The following ATL2 variants were observed in gnomAD, a reference collection of about 807,000 sequenced individuals.
ATL2 encodes atlastin GTPase 2.
A neutral mutation model predicts 73.9 loss-of-function variants in ATL2; 31 were observed. That is an observed-to-expected ratio of 0.42 (90% CI 0.32 to 0.57). The LOEUF is 0.57. Among genes scored for constraint, ATL2 ranks in the 20% least tolerant of loss-of-function variants. The pLI is 0.14. For missense variants in ATL2, 738 were observed against 702.6 expected (o/e 1.05, Z -0.57); for synonymous variants, 291 against 237.5 (o/e 1.23, Z -2.07).
At chr2:38,296,227 T>A (rs188859747) in intron 12 of ATL2, 114 bp from the exon 13 acceptor site, 1 of 1,426,072 alleles carries the variant, frequency 7.0e-7, no homozygotes, top group African/African-American at 1.4e-5. Context: ...ACCAGGAATA[T>A]GGGAAATAAA....
rs753539859 is a variant in ATL2 at position 38,318,979 on chromosome 2, G to C, written c.404C>G (p.Thr135Arg). 1 of 1,613,960 alleles carries C rather than the reference G, an allele frequency of 6.2e-7. No individual in the cohort carries two copies. The highest frequency in any genetic ancestry group is 8.5e-7 in the Non-Finnish European group (1 of 1,179,902). Residue 135 changes from threonine (T) to arginine (R), a missense_variant, in exon 3 of 13, where the codon ACA (threonine) becomes AGA (arginine). Coordinates refer to ENST00000378954, the MANE Select transcript of ATL2 (RefSeq NM_001135673.4). ...ACAGCCACCTCGCCATGTAAAGCCT[G>C]TCAATGGTTCATTGTTTCCACCAAT... ...SWIGGNNEPLTGFTWRGGCER... is the reference protein window; with the variant it reads ...SWIGGNNEPLRGFTWRGGCER...
chr2:38,304,402 C>A (rs898947496), intron 9 of ATL2, among the ~76,000 whole-genome samples: 1 of 152,134 alleles, frequency 6.6e-6, no homozygotes, highest in African/African-American at 2.4e-5. Context: ...AAAGAGAGTT[C>A]TTCAATCTGA....
Position 38,295,163 on chromosome 2 carries a change from C to T in ATL2, c.*831G>A, listed in dbSNP as rs1031746400. 2 of 152,122 alleles carry T rather than the reference C, an allele frequency of 1.3e-5. No homozygotes were observed. The highest frequency in any genetic ancestry group is 4.8e-5 in the African/African-American group (2 of 41,418). 9.4% of individuals were successfully genotyped at this position (152,122 alleles called of 1,614,324 possible). Reference sequence around the variant, plus strand: ...CAGGACCAGATTTTGCCATAAACTACAAAACTTTTAATACAAAATCGTATT... The same window carrying T: ...CAGGACCAGATTTTGCCATAAACTATAAAACTTTTAATACAAAATCGTATT... On this transcript the variant is annotated 3_prime_UTR_variant, in exon 13 of 13. Transcript: ENST00000378954.
intron 2 of ATL2, among the ~76,000 whole-genome samples, chr2:38,322,116 A>G (rs1668359888): frequency 6.6e-6 from 1 of 152,042 alleles, no homozygotes; most frequent in African/African-American, 2.4e-5. Context: ...ATCTTTGTTC[A>G]CCAAACTGCT....
chr2:38,373,877 G>T lies in ATL2; in HGVS notation c.118+3266C>A, dbSNP rs187876731. Among the ~76,000 whole-genome samples, 137 of 152,176 alleles carry T rather than the reference G, an allele frequency of 9.0e-4. 1 individual carries two copies. Among genetic ancestry groups the T allele is most frequent in the African/African-American group, 3.2e-3 (134 of 41,530 alleles). ...CCTATTGCCATCATATTTTCAGGTT[G>T]GTACTTTCTTCCTGCTATCCTTTTT... On this transcript the variant is annotated intron_variant, in intron 1 of 12. Transcript: ENST00000378954.
At chr2:38,371,812 G>A (rs116838798) in intron 1 of ATL2, among the ~76,000 whole-genome samples, 3,122 of 152,104 alleles carry the variant, frequency 0.021, 112 homozygotes, top group African/African-American at 0.071. Context: ...CACAAGAATC[G>A]CTTGAACCCA....
intron 1 of ATL2, among the ~76,000 whole-genome samples, chr2:38,373,016 T>C (rs866608176): frequency 6.9e-6 from 1 of 145,620 alleles, no homozygotes; most frequent in Non-Finnish European, 1.5e-5. Flanking sequence ...TTCTTACATA[T>C]ATGTTACTGT....
At chr2:38,370,802 C>A (rs550025224) in intron 1 of ATL2, among the ~76,000 whole-genome samples, 5 of 151,876 alleles carry the variant, frequency 3.3e-5, no homozygotes, top group Admixed American at 1.3e-4. Flanking sequence ...AAAAAATCAA[C>A]CCCTGGCCCA....
At position 38,371,966 on chromosome 2, in the gene ATL2, C is replaced by G. The variant is rs980977648; in HGVS notation, c.118+5177G>C. ...TAAAATCCAAGCCTCCATTCTAAATCCATTTCAAAAATCATAGGAAGTTTG... is the reference window on the plus strand; with the variant it reads ...TAAAATCCAAGCCTCCATTCTAAATGCATTTCAAAAATCATAGGAAGTTTG... On this transcript the variant is annotated intron_variant, in intron 1 of 12. Transcript: ENST00000378954. Among the ~76,000 whole-genome samples the G allele has an allele frequency of 2.0e-5, 3 of 152,086 alleles. No homozygotes were observed. In the East Asian group the frequency reaches 5.8e-4, roughly 29 times the overall value.
At chr2:38,366,683 A>T (rs951068200) in intron 1 of ATL2, among the ~76,000 whole-genome samples, 2 of 152,204 alleles carry the variant, frequency 1.3e-5, no homozygotes, top group Non-Finnish European at 2.9e-5. Flanking sequence ...GATAAACTTA[A>T]CTCACAAATA....
intron 8 of ATL2, among the ~76,000 whole-genome samples, chr2:38,309,925 C>CA (rs1394422347): frequency 1.3e-5 from 2 of 152,140 alleles, no homozygotes; most frequent in African/African-American, 4.8e-5. Context: ...CCAACACACT[C>CA]AAAATAATCC....
intron 1 of ATL2, among the ~76,000 whole-genome samples, chr2:38,349,614 T>A (rs1352925297): frequency 6.6e-6 from 1 of 151,486 alleles, no homozygotes; most frequent in Non-Finnish European, 1.5e-5. Context: ...ATGGCACATG[T>A]ATACATATGT....
chr2:38,296,520 T>C (rs1361557540), intron 12 of ATL2: 3 of 1,614,014 alleles, frequency 1.9e-6, no homozygotes, highest in East Asian at 4.5e-5. Context: ...TGACAGTCTC[T>C]GTCGCTGTGC....
chr2:38,372,123 G>GTTTTTT (rs371482809), intron 1 of ATL2, among the ~76,000 whole-genome samples: 6 of 125,190 alleles, frequency 4.8e-5, no homozygotes, highest in South Asian at 2.6e-4. Flanking sequence ...CATGTTAATT[G>GTTTTTT]TTTTTTTTTT....
intron 2 of ATL2, among the ~76,000 whole-genome samples, chr2:38,332,345 T>C (rs2148463727): frequency 6.6e-6 from 1 of 152,260 alleles, no homozygotes; most frequent in South Asian, 2.1e-4. Flanking sequence ...TAGCTGGAAC[T>C]ACAGATACAC....
chr2:38,365,806 G>A (rs1671289758), intron 1 of ATL2, among the ~76,000 whole-genome samples: 1 of 151,864 alleles, frequency 6.6e-6, no homozygotes, highest in Admixed American at 6.6e-5. Context: ...AATTCGCCAG[G>A]TGTGGTGGTG....
intron 12 of ATL2, 148 bp from the exon 13 acceptor site, chr2:38,296,261 TATG>T (rs989092870): frequency 9.8e-6 from 14 of 1,434,776 alleles, no homozygotes; most frequent in Non-Finnish European, 1.3e-5. Context: ...CAAAAAAACT[TATG>T]ATGCTACTAG....
chr2:38,331,304 C>T (rs951155641), intron 2 of ATL2, among the ~76,000 whole-genome samples: 11 of 151,874 alleles, frequency 7.2e-5, no homozygotes, highest in African/African-American at 2.2e-4. Context: ...GGCATGGTGG[C>T]GCACACCTGT....
intron 1 of ATL2, among the ~76,000 whole-genome samples, chr2:38,355,282 A>G (rs1047609496): frequency 4.6e-5 from 7 of 152,076 alleles, no homozygotes; most frequent in Admixed American, 1.3e-4. Flanking sequence ...GCCCTCCACC[A>G]TGCCCAGCTA....
Sources: allele counts gnomAD v4.1 joint callset (sites outside exome capture counted in the v4.1 genomes callset), GRCh38; gene constraint gnomAD v4.1.1; transcripts MANE v1.5; gene names NCBI Gene and HGNC (gene_info 2026-07-23, HGNC 2026-07-21).